GDPD5: variants seen among roughly 807,000 people sequenced by gnomAD.
The protein encoded by GDPD5 is glycerophosphodiester phosphodiesterase 2.
Under a neutral mutation model 75.1 loss-of-function variants are expected in GDPD5, and 48 were observed. The observed-to-expected ratio is 0.64, with a 90% CI of 0.51 to 0.81. The LOEUF is 0.81. GDPD5 is among the 40% of genes least tolerant of loss of function. GDPD5 has a pLI of 0.00. For missense variants in GDPD5, 706 were observed against 822.6 expected (o/e 0.86, Z 1.73); for synonymous variants, 336 against 339.0 (o/e 0.99, Z 0.10).
At chr11:75,460,038 C>T (rs1793412) in intron 4 of GDPD5, among the ~76,000 whole-genome samples, 85,283 of 151,344 alleles carry the variant, frequency 0.56, 25,527 homozygotes, top group East Asian at 0.79. Flanking sequence ...AGGGGAAAAT[C>T]TACTGCCTGG....
At chr11:75,450,643 T>G (rs778867914) in intron 6 of GDPD5, 9 of 152,570 alleles carry the variant, frequency 5.9e-5, no homozygotes, top group Non-Finnish European at 1.3e-4. Flanking sequence ...AAAGCACAGC[T>G]CTCATGGAGG....
At chr11:75,467,945 C>T (rs530074541) in intron 3 of GDPD5, among the ~76,000 whole-genome samples, 38 of 152,302 alleles carry the variant, frequency 2.5e-4, no homozygotes, top group African/African-American at 8.4e-4. Flanking sequence ...GTTCCTCCCA[C>T]CCCAGAGCCC....
chr11:75,512,977 C>A (rs1008906926), intron 1 of GDPD5, among the ~76,000 whole-genome samples: 2 of 152,190 alleles, frequency 1.3e-5, no homozygotes, highest in Non-Finnish European at 2.9e-5. Flanking sequence ...TATATGAATT[C>A]ATCAACACAT....
intron 2 of GDPD5, among the ~76,000 whole-genome samples, chr11:75,482,040 C>G (rs1949929930): frequency 1.3e-5 from 2 of 152,112 alleles, no homozygotes; most frequent in Admixed American, 1.3e-4. Context: ...GAGCCCGCCC[C>G]AGGTTCCCCT....
intron 6 of GDPD5, chr11:75,452,269 C>A (rs1250502990): frequency 6.6e-6 from 1 of 152,220 alleles, no homozygotes; most frequent in African/African-American, 2.4e-5. Flanking sequence ...CAGTCGAATC[C>A]TGGCTCTGCT....
At chr11:75,503,885 C>T (rs1950342038) in intron 1 of GDPD5, among the ~76,000 whole-genome samples, 1 of 152,214 alleles carries the variant, frequency 6.6e-6, no homozygotes, top group South Asian at 2.1e-4. Context: ...CCCCCTGCCT[C>T]CCCCAGCCCT....
At chr11:75,524,865 C>T (rs1941604038) in intron 1 of GDPD5, among the ~76,000 whole-genome samples, 1 of 152,174 alleles carries the variant, frequency 6.6e-6, no homozygotes, top group Non-Finnish European at 1.5e-5. Flanking sequence ...TCTGCCTCTT[C>T]CCCCTCTATC....
intron 1 of GDPD5, among the ~76,000 whole-genome samples, chr11:75,494,971 A>AAAT (rs1950183858): frequency 6.6e-6 from 1 of 150,924 alleles, no homozygotes; most frequent in Non-Finnish European, 1.5e-5. Context: ...AACAACAACA[A>AAAT]AATATATATA....
intron 1 of GDPD5, among the ~76,000 whole-genome samples, chr11:75,504,244 G>A (rs1472673786): frequency 6.6e-6 from 1 of 152,204 alleles, no homozygotes; most frequent in African/African-American, 2.4e-5. Context: ...TCTGCTGTAC[G>A]CCAAGCATTT....
intron 1 of GDPD5, among the ~76,000 whole-genome samples, chr11:75,497,592 T>C (rs575698521): frequency 1.3e-5 from 2 of 152,340 alleles, no homozygotes; most frequent in Non-Finnish European, 2.9e-5. Flanking sequence ...CAGTGGATTG[T>C]ACGTTAAACC....
chr11:75,506,018 C>T lies in GDPD5; in HGVS notation c.-144-15698G>A, dbSNP rs536374936. Among the ~76,000 whole-genome samples the T allele has an allele frequency of 1.6e-4, 24 of 152,300 alleles. No individual in the cohort carries two copies. In the South Asian group the frequency reaches 4.4e-3, roughly 28 times the overall value. On this transcript the variant is annotated intron_variant, in intron 1 of 16. Coordinates refer to ENST00000336898, the MANE Select transcript of GDPD5 (RefSeq NM_030792.8). Reference sequence around the variant, plus strand: ...CAGTCCTTGGTTCCAATATCAGCTCCGCCAAGTACCAGCTGGGCCTCTGTG... The same window carrying T: ...CAGTCCTTGGTTCCAATATCAGCTCTGCCAAGTACCAGCTGGGCCTCTGTG...
chr11:75,441,807 C>T lies in GDPD5; in HGVS notation c.1168-4G>A, dbSNP rs759342107. Reference sequence around the variant, plus strand: ...GCCTGCTAGGCAGCCACATGACCTGCAGGCAGAAGAGAGGCAGCCTCAGAC... The same window carrying T: ...GCCTGCTAGGCAGCCACATGACCTGTAGGCAGAAGAGAGGCAGCCTCAGAC... On this transcript the variant is annotated splice_region_variant and splice_polypyrimidine_tract_variant and intron_variant, in intron 12 of 16. Coordinates refer to ENST00000336898, the MANE Select transcript of GDPD5 (RefSeq NM_030792.8). 1 of 1,605,340 alleles carries T rather than the reference C, an allele frequency of 6.2e-7. No homozygotes were observed. The highest frequency in any genetic ancestry group is 8.5e-7 in the Non-Finnish European group (1 of 1,178,630).
At chr11:75,457,837 G>C in intron 4 of GDPD5, 51 bp from the exon 5 acceptor site, 1 of 1,438,830 alleles carries the variant, frequency 7.0e-7, no homozygotes, top group African/African-American at 1.4e-5. Flanking sequence ...GCCACTACCT[G>C]GCCCAGGAAT....
At chr11:75,458,966 G>T (rs1244615667) in intron 4 of GDPD5, among the ~76,000 whole-genome samples, 3 of 152,038 alleles carry the variant, frequency 2.0e-5, no homozygotes, top group Non-Finnish European at 4.4e-5. Flanking sequence ...TAGAGGCAGG[G>T]TCTTGCCATG....
intron 8 of GDPD5, among the ~76,000 whole-genome samples, 165 bp from the exon 9 acceptor site, chr11:75,449,287 G>A (rs1270122567): frequency 6.6e-6 from 1 of 152,184 alleles, no homozygotes; most frequent in African/African-American, 2.4e-5. Context: ...AGACACAGGT[G>A]CATACATGCA....
chr11:75,470,414 T>G (rs774868387), intron 3 of GDPD5, among the ~76,000 whole-genome samples: 1 of 152,216 alleles, frequency 6.6e-6, no homozygotes, highest in Non-Finnish European at 1.5e-5. Context: ...CTTTATACAT[T>G]TTGCCTTTGG....
chr11:75,436,908 G>A (rs372590239), intron 16 of GDPD5, 28 bp downstream of exon 16: 69 of 1,563,970 alleles, frequency 4.4e-5, no homozygotes, highest in Middle Eastern at 1.7e-4. Context: ...CCCAGGGCCT[G>A]CCTCCACCTG....
intron 1 of GDPD5, among the ~76,000 whole-genome samples, chr11:75,503,127 C>T (rs1950327438): frequency 6.6e-6 from 1 of 152,240 alleles, no homozygotes; most frequent in African/African-American, 2.4e-5. Context: ...TCAAGTGATT[C>T]TCCTGCCTCA....
At position 75,496,844 on chromosome 11, in the gene GDPD5, G is replaced by A. The variant is rs368595938; in HGVS notation, c.-144-6524C>T. On this transcript the variant is annotated intron_variant, in intron 1 of 16. Transcript: ENST00000336898. ...TATTCAGGCTGGAGTGCAGTGGCGC[G>A]ATCACAGCTCACTGCAACCTCCGCC... is the stretch of plus-strand genomic sequence containing the variant. 2.3e-3 allele frequency among the ~76,000 whole-genome samples: 330 copies of A among 141,490 alleles called. 3 individuals are homozygous for A. Among genetic ancestry groups the A allele is most frequent in the African/African-American group, 8.5e-3 (319 of 37,710 alleles). 92.8% of individuals were successfully genotyped at this position (141,490 alleles called of 152,430 possible). A position where few individuals can be genotyped will look rare whatever the true frequency, so the allele number is the denominator to read the frequency against.
Sources: allele counts gnomAD v4.1 joint callset (sites outside exome capture counted in the v4.1 genomes callset), GRCh38; gene constraint gnomAD v4.1.1; transcripts MANE v1.5; gene names NCBI Gene and HGNC (gene_info 2026-07-23, HGNC 2026-07-21).